NCK2: variants seen among roughly 807,000 people sequenced by gnomAD.
The protein encoded by NCK2 is NCK adaptor protein 2, also known as cytoplasmic protein NCK2.
Under a neutral mutation model 33.9 loss-of-function variants are expected in NCK2, and 16 were observed. The observed-to-expected ratio is 0.47, with a 90% CI of 0.32 to 0.72. The LOEUF (loss-of-function observed/expected upper bound fraction) is 0.72, where lower values mean the gene tolerates loss of function less well. Among genes scored for constraint, NCK2 ranks in the 30% least tolerant of loss-of-function variants. The probability of loss-of-function intolerance (pLI) is 0.03; values close to 1 mark genes in which losing one functional copy is unlikely to be tolerated. For synonymous variants in NCK2, 273 were observed against 239.9 expected (o/e 1.14, Z -1.27); for missense variants, 418 against 537.3 (o/e 0.78, Z 2.19).
intron 2 of NCK2, among the ~76,000 whole-genome samples, chr2:105,849,273 A>G (rs1283310533): frequency 6.6e-6 from 1 of 152,156 alleles, no homozygotes; most frequent in East Asian, 1.9e-4. Context: ...GCACACCTAC[A>G]GCTACTCAGG....
At chr2:105,856,418 A>G (rs2104587629) in intron 3 of NCK2, among the ~76,000 whole-genome samples, 1 of 152,346 alleles carries the variant, frequency 6.6e-6, no homozygotes, top group South Asian at 2.1e-4. Context: ...ATGAGTTAAT[A>G]TTATCACCTG....
chr2:105,852,354 G>T (rs903613488), intron 2 of NCK2, among the ~76,000 whole-genome samples: 2 of 152,112 alleles, frequency 1.3e-5, no homozygotes, highest in African/African-American at 4.8e-5. Flanking sequence ...TTTGTGGCTC[G>T]GTTCTCTCAC....
chr2:105,891,480 C>T (rs1471264756), intron 4 of NCK2, among the ~76,000 whole-genome samples: 2 of 143,644 alleles, frequency 1.4e-5, no homozygotes, highest in Non-Finnish European at 3.0e-5. Flanking sequence ...GAACATTTAT[C>T]GTTCAGTATC....
Position 105,844,183 on chromosome 2 carries a change from GC to G in NCK2, c.-16-10864del, listed in dbSNP as rs902754479. ...GACATTCTTTAAATACCTGACCAAT[GC>G]TCTTCAAAAAAAAGGGAAGTCTGAG... On this transcript the variant is annotated intron_variant, in intron 2 of 4. Coordinates refer to ENST00000233154, the MANE Select transcript of NCK2 (RefSeq NM_003581.5). Among the ~76,000 whole-genome samples the G allele has an allele frequency of 1.2e-4, 19 of 152,172 alleles. 1 individual carries two copies. Among genetic ancestry groups the G allele is most frequent in the Admixed American group, 1.2e-3 (19 of 15,278 alleles).
intron 1 of NCK2, among the ~76,000 whole-genome samples, chr2:105,767,021 C>T (rs529355972): frequency 1.3e-5 from 2 of 152,246 alleles, no homozygotes; most frequent in South Asian, 2.1e-4. Context: ...CCAGGTGTGT[C>T]ACACCTACTC....
intron 1 of NCK2, among the ~76,000 whole-genome samples, chr2:105,815,726 C>T (rs1675454322): frequency 6.6e-6 from 1 of 152,156 alleles, no homozygotes; most frequent in African/African-American, 2.4e-5. Flanking sequence ...GCTATGGGTC[C>T]GGTTGGTGGC....
intron 4 of NCK2, among the ~76,000 whole-genome samples, chr2:105,882,769 T>TA (rs766282617): frequency 2.0e-5 from 3 of 152,146 alleles, no homozygotes; most frequent in Non-Finnish European, 4.4e-5. Flanking sequence ...GTGAAGGAAA[T>TA]ACTCGACCAG....
At chr2:105,746,395 G>A (rs1558818390) in intron 1 of NCK2, among the ~76,000 whole-genome samples, 1 of 152,214 alleles carries the variant, frequency 6.6e-6, no homozygotes, top group Admixed American at 6.5e-5. Flanking sequence ...AAGGGATTTT[G>A]TGTAGGAATG....
chr2:105,858,058 GT>G (rs70953539), intron 3 of NCK2, among the ~76,000 whole-genome samples: 29,100 of 142,936 alleles, frequency 0.2, 3,368 homozygotes, highest in East Asian at 0.31. Flanking sequence ...TTTTTTTTTT[GT>G]TTTTTTTTTT....
chr2:105,891,568 TG>T lies in NCK2; in HGVS notation c.949-1413del, dbSNP rs1387938328. On this transcript the variant is annotated intron_variant, in intron 4 of 4. Transcript: ENST00000233154. ...TTTTTTTTTTTTTTTTTTTTTTTTT[TG>T]AGATTTTTCGCTCTTGTTGCCCAGA... is the stretch of plus-strand genomic sequence containing the variant. Among the ~76,000 whole-genome samples, 30 of 11,214 alleles carry T rather than the reference TG, an allele frequency of 2.7e-3. 3 individuals carry two copies. In the South Asian group the frequency reaches 0.062, roughly 23 times the overall value. 7.4% of individuals were successfully genotyped at this position (11,214 alleles called of 152,430 possible).
At chr2:105,839,747 T>C (rs1676565693) in intron 2 of NCK2, among the ~76,000 whole-genome samples, 1 of 152,076 alleles carries the variant, frequency 6.6e-6, no homozygotes, top group South Asian at 2.1e-4. Flanking sequence ...GAGACCAACA[T>C]TTGGCAGCAA....
chr2:105,879,788 A>G (rs1034533857), intron 3 of NCK2, among the ~76,000 whole-genome samples: 1 of 152,258 alleles, frequency 6.6e-6, no homozygotes, highest in East Asian at 1.9e-4. Flanking sequence ...GCAAGGCCAT[A>G]GAAGCACAAG....
chr2:105,866,495 G>A (rs1348430740), intron 3 of NCK2, among the ~76,000 whole-genome samples: 1 of 152,208 alleles, frequency 6.6e-6, no homozygotes. Context: ...GGCAGGAGGT[G>A]GGGGCGATGG....
intron 4 of NCK2, among the ~76,000 whole-genome samples, chr2:105,882,576 C>T (rs999670143): frequency 6.6e-6 from 1 of 152,020 alleles, no homozygotes; most frequent in African/African-American, 2.4e-5. Context: ...AAAGCACTTA[C>T]GAGATAAATT....
intron 2 of NCK2, among the ~76,000 whole-genome samples, chr2:105,849,480 A>C (rs1282768595): frequency 6.6e-6 from 1 of 152,136 alleles, no homozygotes; most frequent in Non-Finnish European, 1.5e-5. Flanking sequence ...AGGCAGGTGG[A>C]TATTAACCTG....
intron 3 of NCK2, among the ~76,000 whole-genome samples, chr2:105,867,383 A>G (rs1677806415): frequency 6.6e-6 from 1 of 152,252 alleles, no homozygotes; most frequent in Non-Finnish European, 1.5e-5. Context: ...AAGGGCCCAC[A>G]TAACATGGAA....
intron 4 of NCK2, among the ~76,000 whole-genome samples, chr2:105,888,496 G>A (rs572390156): frequency 6.6e-6 from 1 of 152,282 alleles, no homozygotes; most frequent in African/African-American, 2.4e-5. Flanking sequence ...TTCAAAACCC[G>A]GGGACTGAGT....
At chr2:105,825,051 C>G (rs186808937) in intron 2 of NCK2, among the ~76,000 whole-genome samples, 14 of 152,296 alleles carry the variant, frequency 9.2e-5, no homozygotes, top group Admixed American at 7.8e-4. Context: ...AGTGGGCACT[C>G]GAGGTGCTTG....
chr2:105,893,011 G>A lies in NCK2; in HGVS notation c.978G>A (p.Ala326=), dbSNP rs372072439. ...SPSDFSVSLK[A]SGKNKHFKVQ... is the part of the protein sequence containing the mutation. ...GCGACTTCTCCGTGTCCCTTAAAGC[G>A]TCAGGGAAGAACAAACACTTCAAGG... Residue 326 remains alanine (A), a synonymous_variant, in exon 5 of 5, where the codon GCG becomes GCA. Transcript: ENST00000233154. The A allele has an allele frequency of 4.8e-5, 78 of 1,613,384 alleles. No individual in the cohort carries two copies. The highest frequency in any genetic ancestry group is 6.2e-5 in the Non-Finnish European group (73 of 1,179,390).
Sources: gnomAD v4.1 joint callset for allele counts (sites outside exome capture counted in the v4.1 genomes callset) on GRCh38, gnomAD v4.1.1 for gene constraint, MANE v1.5 for transcripts, NCBI Gene and HGNC (gene_info 2026-07-23, HGNC 2026-07-21) for gene names.